The following FRMD3 variants were observed in gnomAD, a reference collection of about 807,000 sequenced individuals.
FRMD3 encodes the protein FERM domain containing 3.
A neutral mutation model predicts 70.2 loss-of-function variants in FRMD3; 33 were observed. The ratio of observed to expected loss-of-function variants is 0.47; its 90% CI spans 0.36 to 0.63. FRMD3 has a LOEUF of 0.63. Among genes scored for constraint, FRMD3 ranks in the 20% least tolerant of loss-of-function variants. The pLI is 0.00. For synonymous variants in FRMD3, 279 were observed against 255.9 expected (o/e 1.09, Z -0.86); for missense variants, 632 against 711.4 (o/e 0.89, Z 1.27).
chr9:83,451,323 AATAG>A (rs1827647238), intron 1 of FRMD3, among the ~76,000 whole-genome samples: 1 of 151,690 alleles, frequency 6.6e-6, no homozygotes, highest in Non-Finnish European at 1.5e-5. Context: ...GAAGAAGAGC[AATAG>A]ATAGAAATGT....
intron 2 of FRMD3, among the ~76,000 whole-genome samples, chr9:83,389,355 G>A (rs942075900): frequency 1.3e-5 from 2 of 152,230 alleles, no homozygotes; most frequent in South Asian, 4.2e-4. Context: ...GGTTCAAAGG[G>A]CACAGGGACA....
Position 83,245,508 on chromosome 9 carries a change from A to T in FRMD3, c.*2410T>A. On this transcript the variant is annotated 3_prime_UTR_variant, in exon 14 of 14. Coordinates refer to ENST00000304195, the MANE Select transcript of FRMD3 (RefSeq NM_174938.6). The stretch of plus-strand genomic sequence containing the variant: ...CTATTCAACAATGAAGTTTCCACCT[A>T]AGAGAAAAGAGATGTTAGCTGGAAA... 1 of 979,354 alleles carries T rather than the reference A, an allele frequency of 1.0e-6. No homozygotes were observed. Among genetic ancestry groups the T allele is most frequent in the Non-Finnish European group, 1.2e-6 (1 of 824,412 alleles). 60.7% of individuals were successfully genotyped at this position (979,354 alleles called of 1,614,324 possible). A position where few individuals can be genotyped will look rare whatever the true frequency, so the allele number is the denominator to read the frequency against.
chr9:83,456,289 C>T (rs571832361), intron 1 of FRMD3, among the ~76,000 whole-genome samples: 1 of 152,224 alleles, frequency 6.6e-6, no homozygotes, highest in African/African-American at 2.4e-5. Context: ...TATAGGTGTG[C>T]CATGCTTGAT....
intron 4 of FRMD3, among the ~76,000 whole-genome samples, chr9:83,347,884 G>A (rs1247997508): frequency 1.3e-5 from 2 of 152,124 alleles, no homozygotes; most frequent in Admixed American, 1.3e-4. Flanking sequence ...CTTGTATAAG[G>A]GCAGTGGAAC....
At chr9:83,416,786 T>A (rs150115330) in intron 1 of FRMD3, among the ~76,000 whole-genome samples, 1,628 of 58,158 alleles carry the variant, frequency 0.028, 7 homozygotes, top group African/African-American at 0.078. Flanking sequence ...TCTCTCTCTC[T>A]CACTCTCTCT....
intron 4 of FRMD3, among the ~76,000 whole-genome samples, chr9:83,347,580 T>C (rs1454372212): frequency 6.6e-6 from 1 of 152,214 alleles, no homozygotes; most frequent in Non-Finnish European, 1.5e-5. Context: ...GGATAAAAAA[T>C]GATTTCAAAT....
chr9:83,496,115 C>T (rs1463121553), intron 1 of FRMD3, among the ~76,000 whole-genome samples: 1 of 152,104 alleles, frequency 6.6e-6, no homozygotes, highest in Non-Finnish European at 1.5e-5. Context: ...CTGGTGCCTG[C>T]TCCACAAGAA....
chr9:83,288,634 A>G (rs564569613), intron 13 of FRMD3, among the ~76,000 whole-genome samples: 29 of 152,352 alleles, frequency 1.9e-4, no homozygotes, highest in African/African-American at 6.5e-4. Context: ...ATAATTGAAG[A>G]TGGTTCTTTA....
intron 1 of FRMD3, among the ~76,000 whole-genome samples, chr9:83,453,259 C>T (rs572786800): frequency 6.6e-6 from 1 of 152,284 alleles, no homozygotes; most frequent in South Asian, 2.1e-4. Flanking sequence ...TCACACAGTG[C>T]AAGATATACA....
intron 3 of FRMD3, among the ~76,000 whole-genome samples, chr9:83,358,588 T>C (rs1824480516): frequency 2.0e-5 from 3 of 152,156 alleles, no homozygotes; most frequent in Admixed American, 1.3e-4. Context: ...TCCGTTTGTT[T>C]GTGTTGTCTA....
intron 2 of FRMD3, among the ~76,000 whole-genome samples, chr9:83,389,075 G>A (rs912932456): frequency 7.3e-5 from 11 of 151,192 alleles, no homozygotes; most frequent in African/African-American, 2.4e-4. Flanking sequence ...AGCCTCCCAA[G>A]TAGCTGTGAT....
intron 1 of FRMD3, among the ~76,000 whole-genome samples, chr9:83,523,536 G>A (rs1041300999): frequency 1.1e-4 from 17 of 152,116 alleles, no homozygotes; most frequent in African/African-American, 3.9e-4. Context: ...AAGAAAGGTT[G>A]GGGAAAGGAA....
intron 3 of FRMD3, among the ~76,000 whole-genome samples, chr9:83,356,115 T>A (rs1047198192): frequency 6.6e-6 from 1 of 152,086 alleles, no homozygotes; most frequent in Non-Finnish European, 1.5e-5. Context: ...CATTGAGCCA[T>A]TGCCCAGAAA....
At chr9:83,388,942 C>CTTTTTT (rs554000690) in intron 2 of FRMD3, among the ~76,000 whole-genome samples, 4 of 117,150 alleles carry the variant, frequency 3.4e-5, no homozygotes, top group East Asian at 2.6e-4. Context: ...CTACCAATAG[C>CTTTTTT]TTTTTTTTTT....
Position 83,467,704 on chromosome 9 carries a change from A to G in FRMD3, c.147+70381T>C, listed in dbSNP as rs1828166733. 2.6e-6 allele frequency: 4 copies of G among 1,534,350 alleles called. No homozygotes were observed. In the East Asian group the frequency reaches 9.8e-5, roughly 38 times the overall value. ...CCGTGATCTGCTAGTGCCTTAAAAT[A>G]CTGCCATCTCGTCTTCTGTCTCTGG... On this transcript the variant is annotated intron_variant, in intron 1 of 13. Coordinates refer to ENST00000304195, the MANE Select transcript of FRMD3 (RefSeq NM_174938.6).
At chr9:83,310,342 T>C in intron 9 of FRMD3, 143 bp downstream of exon 9, 1 of 733,804 alleles carries the variant, frequency 1.4e-6, no homozygotes, top group Non-Finnish European at 2.3e-6. Context: ...GCCTCTAAAA[T>C]ATTTTTAGCA....
intron 13 of FRMD3, among the ~76,000 whole-genome samples, chr9:83,253,078 T>A (rs7036410): frequency 0.33 from 49,939 of 152,070 alleles, 8,883 homozygotes; most frequent in Middle Eastern, 0.46. Flanking sequence ...GATATATTCT[T>A]ATTGCCACAT....
At chr9:83,405,837 G>A (rs1440698010) in intron 1 of FRMD3, among the ~76,000 whole-genome samples, 1 of 152,142 alleles carries the variant, frequency 6.6e-6, no homozygotes, top group Non-Finnish European at 1.5e-5. Flanking sequence ...ACCAGAGCTG[G>A]CAGAGGTTTT....
intron 12 of FRMD3, 23 bp from the exon 13 acceptor site, chr9:83,290,750 C>T (rs775500677): frequency 4.4e-6 from 7 of 1,588,272 alleles, no homozygotes; most frequent in East Asian, 4.5e-5. Context: ...ACAAGCCAGA[C>T]AGAGTTGGTT....
Sources: gnomAD v4.1 joint callset for allele counts (sites outside exome capture counted in the v4.1 genomes callset) on GRCh38, gnomAD v4.1.1 for gene constraint, MANE v1.5 for transcripts, NCBI Gene and HGNC (gene_info 2026-07-23, HGNC 2026-07-21) for gene names.